CYTH4: variants seen among roughly 807,000 people sequenced by gnomAD.
The protein encoded by CYTH4 is cytohesin 4, also known as cytohesin-4.
A neutral mutation model predicts 57.5 loss-of-function variants in CYTH4; 22 were observed. That is an observed-to-expected ratio of 0.38 (90% CI 0.27 to 0.55). The LOEUF (loss-of-function observed/expected upper bound fraction) is 0.55. Ranked by LOEUF, CYTH4 falls within the 20% of genes least tolerant of loss-of-function variation. The pLI, the probability that CYTH4 is intolerant of heterozygous loss-of-function variation, is 0.74. For missense variants in CYTH4, 420 were observed against 535.6 expected, an observed-to-expected ratio of 0.78 and a Z score of 2.13; for synonymous variants, 186 against 206.5, an observed-to-expected ratio of 0.90 and a Z score of 0.85.
rs776872303 is a variant in CYTH4 at position 37,312,090 on chromosome 22, G to A, written c.1028G>A (p.Gly343Asp). 6.2e-7 allele frequency: 1 copy of A among 1,614,240 alleles called. No homozygotes were observed. Among genetic ancestry groups the A allele is most frequent in the Non-Finnish European group, 8.5e-7 (1 of 1,180,034 alleles). Residue 343 changes from glycine to aspartate, a missense_variant, in exon 12 of 13, where the codon GGC (glycine) becomes GAC (aspartate). By Grantham distance (94) the Gly-to-Asp change is moderately conservative. Transcript: ENST00000248901. ...KIKACKTDGD[G>D]RVVEGKHESY... The stretch of plus-strand genomic sequence containing the variant: ...AAGGCCTGCAAGACCGATGGCGACG[G>A]CAGGGTGGTGGAGGGCAAGCACGAA...
chr22:37,301,153 G>A, intron 7 of CYTH4, 134 bp downstream of exon 7: 2 of 677,496 alleles, frequency 3.0e-6, no homozygotes, highest in South Asian at 1.9e-5. Context: ...AGCCCTCACT[G>A]AGCACTGACT....
chr22:37,302,739 A>G (rs1929226500), intron 7 of CYTH4, among the ~76,000 whole-genome samples: 1 of 152,184 alleles, frequency 6.6e-6, no homozygotes, highest in Non-Finnish European at 1.5e-5. Flanking sequence ...CCCAGCCATC[A>G]GCCCAGCCCT....
At chr22:37,289,190 TCCAC>T in intron 1 of CYTH4, among the ~76,000 whole-genome samples, 1 of 152,218 alleles carries the variant, frequency 6.6e-6, no homozygotes, top group Non-Finnish European at 1.5e-5. Flanking sequence ...CACGGGGTCA[TCCAC>T]CTGCCTCTTC....
chr22:37,285,406 T>G (rs1252906766), intron 1 of CYTH4, among the ~76,000 whole-genome samples: 1 of 152,068 alleles, frequency 6.6e-6, no homozygotes, highest in Non-Finnish European at 1.5e-5. Flanking sequence ...ATTATTAGTA[T>G]TTAAAAATTC....
chr22:37,301,493 G>T (rs1347157935), intron 7 of CYTH4, among the ~76,000 whole-genome samples: 1 of 151,900 alleles, frequency 6.6e-6, no homozygotes, highest in African/African-American at 2.4e-5. Context: ...ATACATAAAG[G>T]TCAGTCCTCC....
chr22:37,286,877 A>G (rs1467618372), intron 1 of CYTH4, among the ~76,000 whole-genome samples: 1 of 152,150 alleles, frequency 6.6e-6, no homozygotes, highest in East Asian at 1.9e-4. Context: ...AATGGGTAGA[A>G]GAGGCAGGGA....
chr22:37,285,692 C>T (rs1307532879), intron 1 of CYTH4, among the ~76,000 whole-genome samples: 1 of 152,068 alleles, frequency 6.6e-6, no homozygotes, highest in Non-Finnish European at 1.5e-5. Context: ...GCCTGGGTAA[C>T]AGACAGAGAC....
At chr22:37,291,900 G>T (rs193258368) in intron 1 of CYTH4, among the ~76,000 whole-genome samples, 1 of 152,176 alleles carries the variant, frequency 6.6e-6, no homozygotes, top group Non-Finnish European at 1.5e-5. Context: ...AGGCTTTGGA[G>T]TCAGCCCAAT....
Position 37,297,631 on chromosome 22 carries a change from A to G in CYTH4, c.302A>G (p.Tyr101Cys), listed in dbSNP as rs767376300. ...PDVQDIARFL[Y>C]KGEGLNKTAI... Reference sequence around the variant, plus strand: ...GTCCAGGACATTGCACGGTTCCTGTATAAAGGCGAGGGCCTCAACAAGACA... The same window carrying G: ...GTCCAGGACATTGCACGGTTCCTGTGTAAAGGCGAGGGCCTCAACAAGACA... The change falls in exon 5 of 13, where the codon TAT (tyrosine) becomes TGT (cysteine). Residue 101 changes from tyrosine to cysteine, a missense_variant. Coordinates refer to ENST00000248901, the MANE Select transcript of CYTH4 (RefSeq NM_013385.5). The G allele has an allele frequency of 1.5e-5, 24 of 1,613,918 alleles. No homozygotes were observed. Among genetic ancestry groups the G allele is most frequent in the Non-Finnish European group, 1.9e-5 (22 of 1,179,930 alleles).
At chr22:37,306,973 G>A (rs1929421027) in intron 8 of CYTH4, among the ~76,000 whole-genome samples, 1 of 152,210 alleles carries the variant, frequency 6.6e-6, no homozygotes, top group Admixed American at 6.5e-5. Context: ...GCCTGGGGCT[G>A]GGGACCTGTG....
intron 12 of CYTH4, among the ~76,000 whole-genome samples, chr22:37,312,565 C>G (rs925817252): frequency 6.6e-6 from 1 of 152,202 alleles, no homozygotes; most frequent in Non-Finnish European, 1.5e-5. Flanking sequence ...GGACCCGGAC[C>G]CATGTGGGCA....
intron 1 of CYTH4, among the ~76,000 whole-genome samples, chr22:37,285,472 A>G (rs942477112): frequency 2.0e-5 from 3 of 152,088 alleles, no homozygotes; most frequent in Non-Finnish European, 4.4e-5. Flanking sequence ...TTGGGAGGCC[A>G]AGGCAGGTGG....
intron 8 of CYTH4, among the ~76,000 whole-genome samples, chr22:37,306,649 T>C (rs1360858343): frequency 6.6e-6 from 1 of 152,238 alleles, no homozygotes; most frequent in Non-Finnish European, 1.5e-5. Context: ...GAGATCGATC[T>C]GCCTTCAGAA....
intron 7 of CYTH4, among the ~76,000 whole-genome samples, chr22:37,301,453 G>C (rs1453216248): frequency 6.6e-6 from 1 of 152,052 alleles, no homozygotes; most frequent in African/African-American, 2.4e-5. Flanking sequence ...CCTGGGCAGG[G>C]TGTAGGGGGC....
Position 37,295,507 on chromosome 22 carries a change from C to G in CYTH4, c.168-492C>G, listed in dbSNP as rs535361137. On this transcript the variant is annotated intron_variant, in intron 3 of 12. Coordinates refer to ENST00000248901, the MANE Select transcript of CYTH4 (RefSeq NM_013385.5). This position sits in a 1 kb window ranked among gnomAD's most constrained non-coding sequence, Gnocchi z 4.1. ...CCTGTTCCAGCCACAACAATGACAA[C>G]ATAACACACCTACGCCTCACTGTTT... Among the ~76,000 whole-genome samples, 10 of 152,336 alleles carry G rather than the reference C, an allele frequency of 6.6e-5. No homozygotes were observed. Among genetic ancestry groups the G allele is most frequent in the Non-Finnish European group, 1.5e-5 (1 of 68,028 alleles).
intron 7 of CYTH4, among the ~76,000 whole-genome samples, chr22:37,302,382 A>G (rs929910148): frequency 2.6e-5 from 4 of 152,214 alleles, no homozygotes; most frequent in African/African-American, 4.8e-5. Flanking sequence ...AATGTTGGGC[A>G]TATAGCTTAA....
chr22:37,308,538 GTGTA>G lies in CYTH4; in HGVS notation c.697-670_697-667del, dbSNP rs753809890. 8.6e-5 allele frequency among the ~76,000 whole-genome samples: 13 copies of G among 151,866 alleles called. No individual in the cohort carries two copies. The East Asian group carries it at 9.7e-4, about 11-fold the overall frequency. ...CGTGTGTATATGTGTCTGTGAGTGT[GTGTA>G]TGTGTGTAAGTGTGCGTGTGTATAC... On this transcript the variant is annotated intron_variant, in intron 8 of 12. Coordinates refer to ENST00000248901, the MANE Select transcript of CYTH4 (RefSeq NM_013385.5).
chr22:37,302,524 G>C (rs1260089837), intron 7 of CYTH4, among the ~76,000 whole-genome samples: 1 of 152,170 alleles, frequency 6.6e-6, no homozygotes, highest in Admixed American at 6.5e-5. Context: ...TGCTATCAGA[G>C]ATGGAAACAT....
intron 1 of CYTH4, among the ~76,000 whole-genome samples, chr22:37,290,760 G>A (rs993705366): frequency 3.3e-5 from 5 of 152,122 alleles, no homozygotes; most frequent in Middle Eastern, 3.2e-3. Flanking sequence ...CGCCCGCCTC[G>A]GCCTCCCAAA....
Sources: allele counts gnomAD v4.1 joint callset (sites outside exome capture counted in the v4.1 genomes callset), GRCh38; gene constraint gnomAD v4.1.1; non-coding constraint Gnocchi (gnomAD v3.1); transcripts MANE v1.5; gene names NCBI Gene and HGNC (gene_info 2026-07-23, HGNC 2026-07-21).